Variants in CNTN5 observed in about 807,000 individuals in gnomAD.
CNTN5 encodes contactin 5.
In CNTN5, 77 loss-of-function variants were observed where a neutral mutation model predicts 129.1. That is an observed-to-expected ratio of 0.60 (90% CI 0.50 to 0.72). CNTN5 has a LOEUF of 0.72. Among genes scored for constraint, CNTN5 ranks in the 30% least tolerant of loss-of-function variants. The pLI, the probability that CNTN5 is intolerant of heterozygous loss-of-function variation, is 0.00. For synonymous variants in CNTN5, 509 were observed against 465.6 expected (o/e 1.09, Z -1.20); for missense variants, 1,478 against 1,328.8 (o/e 1.11, Z -1.75).
In CNTN5 at chr11:99,991,359, C is replaced by T. The variant is rs563166227; in HGVS notation, c.878-10675C>T. On this transcript the variant is annotated intron_variant, in intron 8 of 24. Transcript: ENST00000524871. ...GTGGGTCCCTGTAGTTCCAGCTACT[C>T]GGGAGGCTGAGGCAGGAGAATGGCC... 1.8e-3 allele frequency among the ~76,000 whole-genome samples: 267 copies of T among 151,944 alleles called. 1 individual carries two copies. The highest frequency in any genetic ancestry group is 3.1e-3 in the Non-Finnish European group (210 of 67,958).
chr11:99,844,994 T>A lies in CNTN5; in HGVS notation c.401+19T>A. ...GTTACAGGTAGGAATTCACTGTTAA[T>A]CATTTTTCTTAAGCCTTAAAAACTT... is the stretch of plus-strand genomic sequence containing the variant. On this transcript the variant is annotated intron_variant, in intron 5 of 24. Transcript: ENST00000524871. The A allele has an allele frequency of 6.2e-7, 1 of 1,612,450 alleles. No individual in the cohort carries two copies. The highest frequency in any genetic ancestry group is 1.7e-5 in the Admixed American group (1 of 59,890).
intron 13 of CNTN5, among the ~76,000 whole-genome samples, chr11:100,126,254 G>A (rs1457744078): frequency 6.6e-6 from 1 of 152,050 alleles, no homozygotes; most frequent in Non-Finnish European, 1.5e-5. Flanking sequence ...CAGATGAAAA[G>A]AATTTATATT....
At chr11:99,706,702 G>C (rs867243332) in intron 3 of CNTN5, among the ~76,000 whole-genome samples, 1 of 151,316 alleles carries the variant, frequency 6.6e-6, no homozygotes, top group African/African-American at 2.4e-5. Context: ...ACATTCTTAC[G>C]AGTGAATTCT....
In CNTN5 at chr11:99,371,581, C is replaced by T. The variant is rs148024007; in HGVS notation, c.-71+46097C>T. ...AGTGGAGAACTAAAATAGAATTAAA[C>T]GTATTTGATGGAGTTACAGATTAAC... On this transcript the variant is annotated intron_variant, in intron 2 of 24. Transcript: ENST00000524871. Among the ~76,000 whole-genome samples the T allele has an allele frequency of 2.1e-3, 320 of 152,066 alleles. 1 individual carries two copies. The highest frequency in any genetic ancestry group is 0.01 in the Middle Eastern group (3 of 292).
chr11:100,123,214 A>G (rs1946082288), intron 13 of CNTN5, among the ~76,000 whole-genome samples: 1 of 152,024 alleles, frequency 6.6e-6, no homozygotes, highest in African/African-American at 2.4e-5. Context: ...AATTTGTGAA[A>G]TAGTATAAAT....
chr11:99,744,079 G>A (rs917035325), intron 3 of CNTN5, among the ~76,000 whole-genome samples: 1 of 151,966 alleles, frequency 6.6e-6, no homozygotes, highest in Non-Finnish European at 1.5e-5. Flanking sequence ...AATGGGGGAG[G>A]GGGAAGACAT....
At chr11:99,324,031 A>G (rs1456333553) in intron 1 of CNTN5, among the ~76,000 whole-genome samples, 1 of 152,200 alleles carries the variant, frequency 6.6e-6, no homozygotes, top group Non-Finnish European at 1.5e-5. Flanking sequence ...ACTTGATATC[A>G]GAAATGCAAG....
intron 2 of CNTN5, among the ~76,000 whole-genome samples, chr11:99,364,525 G>A (rs928978163): frequency 6.6e-5 from 10 of 152,050 alleles, no homozygotes; most frequent in Non-Finnish European, 1.0e-4. Context: ...AAAGAGATAT[G>A]AGCAAGACCT....
At chr11:99,757,829 A>C (rs1944452120) in intron 3 of CNTN5, among the ~76,000 whole-genome samples, 1 of 152,090 alleles carries the variant, frequency 6.6e-6, no homozygotes, top group African/African-American at 2.4e-5. Flanking sequence ...TATATATAAA[A>C]GTATGATAAA....
chr11:100,128,050 T>C (rs1250950324), intron 13 of CNTN5, among the ~76,000 whole-genome samples: 2 of 152,136 alleles, frequency 1.3e-5, no homozygotes, highest in Non-Finnish European at 2.9e-5. Flanking sequence ...ATGATCTCTA[T>C]TGTATCAATT....
At chr11:99,667,548 C>T (rs1952842468) in intron 3 of CNTN5, among the ~76,000 whole-genome samples, 1 of 151,976 alleles carries the variant, frequency 6.6e-6, no homozygotes, top group East Asian at 1.9e-4. Flanking sequence ...ATAGTGAGTA[C>T]TCAATAAATG....
chr11:99,912,996 C>G (rs1235989847), intron 6 of CNTN5, among the ~76,000 whole-genome samples: 1 of 151,980 alleles, frequency 6.6e-6, no homozygotes, highest in Admixed American at 6.6e-5. Flanking sequence ...GTATTTTTGA[C>G]CTTGTGTAAT....
chr11:99,720,347 G>T (rs1359701171), intron 3 of CNTN5, among the ~76,000 whole-genome samples: 1 of 152,034 alleles, frequency 6.6e-6, no homozygotes, highest in Non-Finnish European at 1.5e-5. Context: ...ATGCAAAGTT[G>T]GCTCAACATA....
At chr11:99,072,557 AC>A (rs1865382912) in intron 1 of CNTN5, among the ~76,000 whole-genome samples, 1 of 152,100 alleles carries the variant, frequency 6.6e-6, no homozygotes, top group Admixed American at 6.6e-5. Flanking sequence ...CTGAGGTTGT[AC>A]CTTAAATTGT....
chr11:100,289,467 A>G (rs1043545610), intron 18 of CNTN5, among the ~76,000 whole-genome samples: 3 of 151,786 alleles, frequency 2.0e-5, no homozygotes, highest in East Asian at 1.9e-4. Flanking sequence ...ACGCAAATCA[A>G]TAAATGTAAT....
intron 1 of CNTN5, among the ~76,000 whole-genome samples, chr11:99,220,709 C>T (rs568230201): frequency 6.6e-6 from 1 of 151,820 alleles, no homozygotes; most frequent in African/African-American, 2.4e-5. Flanking sequence ...TGAAGTGGCA[C>T]AAATCAAAAG....
At chr11:99,484,700 C>T (rs1204026924) in intron 2 of CNTN5, among the ~76,000 whole-genome samples, 3 of 151,306 alleles carry the variant, frequency 2.0e-5, no homozygotes. Flanking sequence ...GAATACTAGT[C>T]AGCTACAAAA....
intron 3 of CNTN5, among the ~76,000 whole-genome samples, chr11:99,778,361 G>A (rs1945198036): frequency 1.3e-5 from 2 of 151,828 alleles, no homozygotes; most frequent in South Asian, 2.1e-4. Context: ...TAAAACCACA[G>A]TTAAACTGTT....
intron 6 of CNTN5, among the ~76,000 whole-genome samples, chr11:99,906,682 C>T (rs555483605): frequency 6.6e-6 from 1 of 152,088 alleles, no homozygotes; most frequent in African/African-American, 2.4e-5. Context: ...AGAGGAGTCC[C>T]TCTTTTCTAC....
Sources: gnomAD v4.1 joint callset for allele counts (sites outside exome capture counted in the v4.1 genomes callset) on GRCh38, gnomAD v4.1.1 for gene constraint, MANE v1.5 for transcripts, NCBI Gene and HGNC (gene_info 2026-07-23, HGNC 2026-07-21) for gene names.